SPECC1L: variants seen among roughly 807,000 people sequenced by gnomAD.
SPECC1L encodes cytospin-A.
SPECC1L carries 40 observed loss-of-function variants against 116.8 expected under a neutral mutation model. That is an observed-to-expected ratio of 0.34 (90% CI 0.27 to 0.45). The LOEUF is 0.45. Among genes scored for constraint, SPECC1L ranks in the 20% least tolerant of loss-of-function variants. SPECC1L has a pLI of 1.00. For missense variants in SPECC1L, 1,110 were observed against 1,373.6 expected, an observed-to-expected ratio of 0.81 and a Z score of 3.03; for synonymous variants, 504 against 500.6, an observed-to-expected ratio of 1.01 and a Z score of -0.09.
chr22:24,339,977 G>A (rs1482630338), intron 10 of SPECC1L, among the ~76,000 whole-genome samples: 1 of 151,862 alleles, frequency 6.6e-6, no homozygotes, highest in Admixed American at 6.6e-5. Flanking sequence ...TAAAGACAGG[G>A]TTCTGCCACG....
rs906168294 is a variant in SPECC1L, at chr22:24,322,819, G to C, written c.1839G>C (p.Arg613Ser). The change falls in exon 5 of 17, where the codon AGG becomes AGC. Residue 613 changes from arginine to serine, a missense_variant. Arg to Ser is a moderately radical substitution (Grantham distance 110). Transcript: ENST00000314328. The stretch of plus-strand genomic sequence containing the variant: ...TTCAGGACCTCCTGGAGAGTGTCAG[G>C]CTGGACAAAGAAAAAGCAGAGACTT... The part of the protein sequence containing the change: ...SDIQDLLESV[R>S]LDKEKAETLA... The C allele has an allele frequency of 3.7e-6, 6 of 1,608,676 alleles. No homozygotes were observed. Among genetic ancestry groups the C allele is most frequent in the African/African-American group, 2.7e-5 (2 of 74,774 alleles).
At chr22:24,282,446 A>C (rs1272899687) in intron 2 of SPECC1L, among the ~76,000 whole-genome samples, 2 of 152,250 alleles carry the variant, frequency 1.3e-5, no homozygotes, top group Non-Finnish European at 2.9e-5. Context: ...GGAGGTTAGA[A>C]GCAAGATGGA....
chr22:24,283,866 G>A (rs2048992390), intron 2 of SPECC1L, among the ~76,000 whole-genome samples: 1 of 151,960 alleles, frequency 6.6e-6, no homozygotes, highest in African/African-American at 2.4e-5. Flanking sequence ...TTTTATCTAG[G>A]TTCTTGAATT....
intron 10 of SPECC1L, among the ~76,000 whole-genome samples, chr22:24,343,779 T>C (rs1176731680): frequency 6.6e-6 from 1 of 151,892 alleles, no homozygotes; most frequent in African/African-American, 2.4e-5. Context: ...AGAAAAACCC[T>C]GTCAACTTAG....
chr22:24,387,762 A>C (rs1452327435), intron 14 of SPECC1L, among the ~76,000 whole-genome samples: 1 of 152,210 alleles, frequency 6.6e-6, no homozygotes, highest in Non-Finnish European at 1.5e-5. Flanking sequence ...CTAAAACAAC[A>C]CATATTTTTC....
At chr22:24,350,267 C>T (rs1038830265) in intron 11 of SPECC1L, among the ~76,000 whole-genome samples, 1 of 152,040 alleles carries the variant, frequency 6.6e-6, no homozygotes, top group Admixed American at 6.6e-5. Context: ...ATTCTAACAT[C>T]CCATATGGTT....
chr22:24,367,155 T>C (rs2041785698), intron 13 of SPECC1L, among the ~76,000 whole-genome samples: 1 of 152,228 alleles, frequency 6.6e-6, no homozygotes, highest in African/African-American at 2.4e-5. Flanking sequence ...ATCGTGCGAC[T>C]GCACTCCAGC....
In SPECC1L at chr22:24,301,400, C is replaced by A. The variant is rs1383374983; in HGVS notation, c.-37-795C>A. On this transcript the variant is annotated intron_variant, in intron 2 of 16. Coordinates refer to ENST00000314328, the MANE Select transcript of SPECC1L (RefSeq NM_015330.6). ...TTAACGTGGGGTTACATCCTATAAA[C>A]CCCTCGTAAGTTGACAATGTCATGA... Among the ~76,000 whole-genome samples, 4 of 152,150 alleles carry A rather than the reference C, an allele frequency of 2.6e-5. No homozygotes were observed. The East Asian group carries it at 7.7e-4, about 29-fold the overall frequency.
chr22:24,284,794 C>G (rs1283263397), intron 2 of SPECC1L, among the ~76,000 whole-genome samples: 1 of 152,032 alleles, frequency 6.6e-6, no homozygotes, highest in Non-Finnish European at 1.5e-5. Flanking sequence ...TAAAAAGCAA[C>G]AGTTCAGAAA....
intron 13 of SPECC1L, 118 bp from the exon 14 acceptor site, chr22:24,369,100 G>T: frequency 2.7e-6 from 2 of 737,354 alleles, no homozygotes; most frequent in South Asian, 1.5e-5. Context: ...ACTATGTCTT[G>T]CCTTTGTATT....
intron 11 of SPECC1L, among the ~76,000 whole-genome samples, chr22:24,358,659 C>T (rs2041580695): frequency 1.3e-5 from 2 of 152,200 alleles, no homozygotes. Context: ...ATTTTCCCCA[C>T]AGCCTCACTT....
intron 14 of SPECC1L, among the ~76,000 whole-genome samples, chr22:24,399,353 G>A (rs192447477): frequency 2.0e-5 from 3 of 152,148 alleles, no homozygotes; most frequent in Admixed American, 6.5e-5. Context: ...GGTGGATCAC[G>A]AGGTCAGGAG....
At chr22:24,357,378 T>C (rs1020549830) in intron 11 of SPECC1L, among the ~76,000 whole-genome samples, 2 of 152,156 alleles carry the variant, frequency 1.3e-5, no homozygotes, top group Admixed American at 6.5e-5. Flanking sequence ...CTGAGCAACA[T>C]AGTGAGACTT....
rs115085759 is a variant in SPECC1L, at chr22:24,414,040, A to G, written c.3265-494A>G. Among the ~76,000 whole-genome samples the G allele has an allele frequency of 1.7e-3, 261 of 152,314 alleles. 1 individual carries two copies. The highest frequency in any genetic ancestry group is 6.1e-3 in the African/African-American group (255 of 41,566). On this transcript the variant is annotated intron_variant, in intron 16 of 16. Coordinates refer to ENST00000314328, the MANE Select transcript of SPECC1L (RefSeq NM_015330.6). ...CCTAGAACATCAGTTCACCGGTCAC[A>G]GGTCACTGGCGTTCAGCAGAGCACA...
rs114590471 is a variant in SPECC1L at position 24,299,492 on chromosome 22, C to G, written c.-37-2703C>G. Among the ~76,000 whole-genome samples the G allele has an allele frequency of 4.0e-3, 616 of 152,276 alleles. 7 individuals are homozygous for G. Among genetic ancestry groups the G allele is most frequent in the African/African-American group, 0.014 (575 of 41,548 alleles). ...CTGATATGGCTAAGAACCAGCCGGT[C>G]TAAGTGATCTCAAGCTGCCAGCCTC... On this transcript the variant is annotated intron_variant, in intron 2 of 16. Transcript: ENST00000314328.
intron 2 of SPECC1L, among the ~76,000 whole-genome samples, chr22:24,287,927 A>C (rs187653844): frequency 1.3e-5 from 2 of 152,008 alleles, no homozygotes; most frequent in Admixed American, 1.3e-4. Flanking sequence ...GCCAGCTGGA[A>C]ACTACAAAAA....
intron 14 of SPECC1L, among the ~76,000 whole-genome samples, chr22:24,391,424 A>G (rs1022082936): frequency 7.9e-5 from 12 of 152,218 alleles, no homozygotes; most frequent in African/African-American, 2.9e-4. Context: ...GCTTAGTGCC[A>G]TTACCATAAA....
At chr22:24,309,533 T>G (rs1277901424) in intron 3 of SPECC1L, among the ~76,000 whole-genome samples, 2 of 152,152 alleles carry the variant, frequency 1.3e-5, no homozygotes, top group Non-Finnish European at 2.9e-5. Flanking sequence ...CCTGAGTAGC[T>G]GGGGTTACAG....
intron 10 of SPECC1L, among the ~76,000 whole-genome samples, chr22:24,340,083 C>G (rs1448476045): frequency 6.8e-6 from 1 of 147,834 alleles, no homozygotes; most frequent in Non-Finnish European, 1.5e-5. Flanking sequence ...CCACGCCTGA[C>G]ATTATGTCGT....
Sources: gnomAD v4.1 joint callset for allele counts (sites outside exome capture counted in the v4.1 genomes callset) on GRCh38, gnomAD v4.1.1 for gene constraint, MANE v1.5 for transcripts, NCBI Gene and HGNC (gene_info 2026-07-23, HGNC 2026-07-21) for gene names.